The following LCA5L variants were observed in gnomAD, a reference collection of about 807,000 sequenced individuals.
LCA5L encodes the protein lebercilin LCA5 like, also known as lebercilin-like protein.
In LCA5L, 35 loss-of-function variants were observed where a neutral mutation model predicts 45.4. The observed-to-expected ratio is 0.77, with a 90% CI of 0.59 to 1.02. The LOEUF is 1.02. Among genes scored for constraint, LCA5L ranks in the 50% least tolerant of loss-of-function variants. LCA5L has a pLI of 0.00. For synonymous variants in LCA5L, 233 were observed against 264.7 expected (o/e 0.88, Z 1.16); for missense variants, 668 against 761.6 (o/e 0.88, Z 1.45).
chr21:39,433,096 G>A (rs2075907537), intron 3 of LCA5L, among the ~76,000 whole-genome samples: 2 of 152,078 alleles, frequency 1.3e-5, no homozygotes, highest in African/African-American at 4.8e-5. Context: ...TAATTTTGGT[G>A]AAGCCCAATT....
intron 6 of LCA5L, 55 bp from the exon 7 acceptor site, chr21:39,420,898 TTCAATTA>T (rs2042186646): frequency 2.1e-6 from 3 of 1,399,610 alleles, no homozygotes; most frequent in Non-Finnish European, 3.0e-6. Context: ...TGTTAAAAAC[TTCAATTA>T]TCATGGAACT....
chr21:39,435,651 G>A (rs922259823), intron 2 of LCA5L, 78 bp from the exon 3 acceptor site: 5 of 152,138 alleles, frequency 3.3e-5, no homozygotes, highest in Non-Finnish European at 7.4e-5. Flanking sequence ...AGGTTTTGAA[G>A]CAGTTTTAAT....
At chr21:39,442,251 G>A (rs913973728) in intron 2 of LCA5L, among the ~76,000 whole-genome samples, 3 of 152,208 alleles carry the variant, frequency 2.0e-5, no homozygotes, top group Non-Finnish European at 4.4e-5. Flanking sequence ...AGGCCTGGTG[G>A]GTGGAGGAGG....
intron 2 of LCA5L, 93 bp downstream of exon 2, chr21:39,444,042 A>C (rs935100453): frequency 1.3e-5 from 2 of 151,432 alleles, no homozygotes; most frequent in Non-Finnish European, 2.9e-5. Context: ...AAAAAAAAAA[A>C]ACAACAAAAA....
Position 39,405,930 on chromosome 21 carries a change from A to T in LCA5L, c.1965T>A (p.Ser655=), listed in dbSNP as rs2039016958. Residue 655 remains serine (S), a synonymous_variant, in exon 11 of 11, where the codon TCT becomes TCA. Transcript: ENST00000288350. ...FGDSKVTVVN[S]IKPSSPTEGK... ...CTTCTGTAGGTGACGATGGCTTAAT[A>T]GAATTTACCACAGTTACTTTAGAGT... 1 of 1,611,176 alleles carries T rather than the reference A, an allele frequency of 6.2e-7. No individual in the cohort carries two copies. The highest frequency in any genetic ancestry group is 1.3e-5 in the African/African-American group (1 of 74,814).
chr21:39,423,342 T>G lies in LCA5L; in HGVS notation c.471A>C (p.Glu157Asp). The G allele has an allele frequency of 6.2e-7, 1 of 1,613,188 alleles. No individual in the cohort carries two copies. The highest frequency in any genetic ancestry group is 8.5e-7 in the Non-Finnish European group (1 of 1,179,906). The change falls in exon 6 of 11, where the codon GAA (glutamate) becomes GAC (aspartate). Residue 157 changes from glutamate to aspartate, a missense_variant. Physicochemically the swap from Glu to Asp is conservative, Grantham distance 45. Coordinates refer to ENST00000288350, the MANE Select transcript of LCA5L (RefSeq NM_152505.4). Reference protein sequence around the residue: ...RLHKIKGLKNELADMHHKLEA... With the variant: ...RLHKIKGLKNDLADMHHKLEA... ...CCAATTTATGATGCATATCAGCTAATTCATTTTTTAGTCCTTTAATTTTAT... is the reference window on the plus strand; with the variant it reads ...CCAATTTATGATGCATATCAGCTAAGTCATTTTTTAGTCCTTTAATTTTAT...
intron 5 of LCA5L, among the ~76,000 whole-genome samples, chr21:39,427,126 G>T (rs546070636): frequency 6.6e-6 from 1 of 152,304 alleles, no homozygotes; most frequent in Admixed American, 6.5e-5. Flanking sequence ...ACATGGCGGT[G>T]GCAGATGCAC....
At position 39,445,776 on chromosome 21, in the gene LCA5L, C is replaced by G. The variant is rs2277788; in HGVS notation, c.-364G>C. On this transcript the variant is annotated 5_prime_UTR_variant, in exon 1 of 11. Transcript: ENST00000288350. The stretch of plus-strand genomic sequence containing the variant: ...GCCAACGCCGCAGCGCCGGCGCGTC[C>G]CCATGGAAACCCGCGCGCGGGGCCT... 0.89 allele frequency: 136,097 copies of G among 152,214 alleles called. 60,901 individuals carry two copies. The highest frequency in any genetic ancestry group is 0.9 in the South Asian group (4,342 of 4,822). 9.4% of individuals were successfully genotyped at this position (152,214 alleles called of 1,614,324 possible).
intron 10 of LCA5L, among the ~76,000 whole-genome samples, chr21:39,408,995 G>A (rs995404310): frequency 6.6e-6 from 1 of 151,942 alleles, no homozygotes; most frequent in African/African-American, 2.4e-5. Context: ...ATGAATGTTT[G>A]TATTCCTTCC....
At chr21:39,430,325 T>C (rs73906035) in intron 3 of LCA5L, among the ~76,000 whole-genome samples, 4,960 of 152,310 alleles carry the variant, frequency 0.033, 271 homozygotes, top group African/African-American at 0.11. Context: ...CCCTCCTTCT[T>C]CCTCACTTTA....
intron 7 of LCA5L, among the ~76,000 whole-genome samples, chr21:39,414,742 C>CTCTCTG (rs1341489035): frequency 1.8e-4 from 18 of 99,234 alleles, no homozygotes; most frequent in East Asian, 5.8e-4. Context: ...CTCTCTCTCT[C>CTCTCTG]TGTGTGTGTG....
chr21:39,414,738 C>CTGTGTGTGTGTGTGTGTGTG (rs763309098), intron 7 of LCA5L, among the ~76,000 whole-genome samples: 70 of 107,348 alleles, frequency 6.5e-4, no homozygotes, highest in African/African-American at 2.4e-3. Flanking sequence ...CTCTCTCTCT[C>CTGTGTGTGTGTGTGTGTGTG]TCTCTGTGTG....
Position 39,408,863 on chromosome 21 carries a change from G to A in LCA5L, c.1282+1116C>T, listed in dbSNP as rs116769475. On this transcript the variant is annotated intron_variant, in intron 10 of 10. Transcript: ENST00000288350. ...GTATATTCAAGGGAGCTGAAGCTGG[G>A]GTCCTTTTTCTGGAAGTCTTTATTC... is the stretch of plus-strand genomic sequence containing the variant. 2.7e-3 allele frequency among the ~76,000 whole-genome samples: 409 copies of A among 152,204 alleles called. 5 individuals are homozygous for A. Among genetic ancestry groups the A allele is most frequent in the African/African-American group, 9.3e-3 (387 of 41,526 alleles).
At position 39,409,983 on chromosome 21, in the gene LCA5L, A is replaced by G; in HGVS notation, c.1278T>C (p.Tyr426=). Residue 426 remains tyrosine, a synonymous_variant, in exon 10 of 11, where the codon TAT becomes TAC. Transcript: ENST00000288350. The surrounding 1 kb of genome is among the most constrained non-coding windows in gnomAD (Gnocchi z 4.2). The part of the protein sequence containing the change: ...LPKQEDSKRK[Y]EDLSGEEKHL... ...ACTTTAAAGAGTTAAAATTACCTTC[A>G]TATTTTCTCTTAGAATCCTCTTGCT... 1 of 1,489,126 alleles carries G rather than the reference A, an allele frequency of 6.7e-7. No homozygotes were observed. 92.2% of individuals were successfully genotyped at this position (1,489,126 alleles called of 1,614,324 possible). A position where few individuals can be genotyped will look rare whatever the true frequency, so the allele number is the denominator to read the frequency against.
At chr21:39,415,758 TC>T (rs2041026864) in intron 7 of LCA5L, among the ~76,000 whole-genome samples, 2 of 152,338 alleles carry the variant, frequency 1.3e-5, no homozygotes, top group South Asian at 4.1e-4. Flanking sequence ...AGATTCTCAC[TC>T]TCACCTCTTA....
intron 3 of LCA5L, among the ~76,000 whole-genome samples, chr21:39,434,414 ATACAC>A (rs140685580): frequency 0.043 from 6,500 of 152,290 alleles, 428 homozygotes; most frequent in African/African-American, 0.15. Flanking sequence ...ATTAATATAC[ATACAC>A]TACACTTCTC....
chr21:39,415,937 TG>T (rs2041067117), intron 7 of LCA5L, among the ~76,000 whole-genome samples: 1 of 152,174 alleles, frequency 6.6e-6, no homozygotes, highest in Admixed American at 6.5e-5. Flanking sequence ...TTCGGTTCGT[TG>T]GCATGAGTAG....
intron 2 of LCA5L, among the ~76,000 whole-genome samples, chr21:39,440,368 C>T (rs2076710496): frequency 6.6e-6 from 1 of 152,050 alleles, no homozygotes. Flanking sequence ...GATACATCAG[C>T]CTGAGCAACA....
chr21:39,444,093 G>A (rs1021842988), intron 2 of LCA5L, 42 bp downstream of exon 2: 2 of 151,908 alleles, frequency 1.3e-5, no homozygotes, highest in Non-Finnish European at 2.9e-5. Context: ...TGAGGGCAGG[G>A]ACCTGTCACA....
Sources: gnomAD v4.1 joint callset for allele counts (sites outside exome capture counted in the v4.1 genomes callset) on GRCh38, gnomAD v4.1.1 for gene constraint, Gnocchi (gnomAD v3.1) non-coding constraint, MANE v1.5 for transcripts, NCBI Gene and HGNC (gene_info 2026-07-23, HGNC 2026-07-21) for gene names.